RALGAPA2: variants seen among roughly 807,000 people sequenced by gnomAD.
RALGAPA2 encodes Ral GTPase activating protein catalytic subunit alpha 2, also known as ral GTPase-activating protein subunit alpha-2.
In RALGAPA2, 139 loss-of-function variants were observed where a neutral mutation model predicts 230.4. That is an observed-to-expected ratio of 0.60 (90% CI 0.53 to 0.69). The LOEUF is 0.69. RALGAPA2 is among the 30% of genes least tolerant of loss of function. RALGAPA2 has a pLI of 0.00. For missense variants in RALGAPA2, 2,163 were observed against 2,276.0 expected, an observed-to-expected ratio of 0.95 and a Z score of 1.01; for synonymous variants, 847 against 837.8, an observed-to-expected ratio of 1.01 and a Z score of -0.19.
chr20:20,545,243 T>C (rs558730817), intron 24 of RALGAPA2, among the ~76,000 whole-genome samples: 63 of 152,176 alleles, frequency 4.1e-4, no homozygotes, highest in African/African-American at 1.5e-3. Flanking sequence ...TTTTTCTTTT[T>C]AAGAGATGGG....
chr20:20,679,602 C>A (rs2068452233), intron 2 of RALGAPA2, among the ~76,000 whole-genome samples: 1 of 151,748 alleles, frequency 6.6e-6, no homozygotes, highest in Admixed American at 6.6e-5. Context: ...CTTTCACACA[C>A]CTTTGCTGCA....
chr20:20,684,156 C>T (rs924480991), intron 1 of RALGAPA2, among the ~76,000 whole-genome samples: 2 of 152,154 alleles, frequency 1.3e-5, no homozygotes, highest in African/African-American at 4.8e-5. Flanking sequence ...ACATGACTTC[C>T]TCAAAGAAAC....
intron 3 of RALGAPA2, among the ~76,000 whole-genome samples, chr20:20,673,659 C>T (rs142124574): frequency 9.9e-4 from 150 of 151,930 alleles, no homozygotes; most frequent in African/African-American, 3.4e-3. Context: ...AAAATCTTCA[C>T]ATAAGTAAAA....
intron 3 of RALGAPA2, among the ~76,000 whole-genome samples, chr20:20,671,708 G>A (rs1265739272): frequency 2.6e-5 from 4 of 152,156 alleles, no homozygotes; most frequent in Non-Finnish European, 4.4e-5. Context: ...CTAATCCTCT[G>A]TAAATGGTAA....
At chr20:20,490,769 C>T (rs2062029516) in intron 36 of RALGAPA2, among the ~76,000 whole-genome samples, 1 of 152,034 alleles carries the variant, frequency 6.6e-6, no homozygotes, top group South Asian at 2.1e-4. Flanking sequence ...ACTTCTGGCA[C>T]AACAGCCTTT....
intron 13 of RALGAPA2, among the ~76,000 whole-genome samples, chr20:20,612,815 C>T (rs1247145553): frequency 1.3e-5 from 2 of 152,144 alleles, no homozygotes; most frequent in African/African-American, 2.4e-5. Context: ...AGGCCCCTGT[C>T]GCCAGGGCAG....
rs1047442356 is a variant in RALGAPA2, at chr20:20,524,058, G to A, written c.3900+348C>T. Among the ~76,000 whole-genome samples, 56 of 152,088 alleles carry A rather than the reference G, an allele frequency of 3.7e-4. 1 individual carries two copies. Among genetic ancestry groups the A allele is most frequent in the Admixed American group, 3.4e-3 (52 of 15,274 alleles). On this transcript the variant is annotated intron_variant, in intron 30 of 39. Coordinates refer to ENST00000202677, the MANE Select transcript of RALGAPA2 (RefSeq NM_020343.4). ...TGCAAACTCTGCCTCCCAGGTTCAC[G>A]CCATTCTCCTGCCTCAGCCTCCGGG... is the stretch of plus-strand genomic sequence containing the variant.
chr20:20,710,693 TGAAAA>T (rs2069820888), intron 1 of RALGAPA2, among the ~76,000 whole-genome samples: 1 of 152,196 alleles, frequency 6.6e-6, no homozygotes, highest in Non-Finnish European at 1.5e-5. Flanking sequence ...TTTACAAACT[TGAAAA>T]GAATCAACTT....
intron 3 of RALGAPA2, among the ~76,000 whole-genome samples, chr20:20,658,626 G>A (rs1034767491): frequency 6.6e-6 from 1 of 152,180 alleles, no homozygotes; most frequent in Non-Finnish European, 1.5e-5. Context: ...ATCCATTATA[G>A]TACACTCGAA....
rs572531508 is a variant in RALGAPA2 at position 20,520,897 on chromosome 20, A to T, written c.4084+20T>A. 3 of 1,535,656 alleles carry T rather than the reference A, an allele frequency of 2.0e-6. No individual in the cohort carries two copies. The African/African-American group carries it at 4.1e-5, about 21-fold the overall frequency. ...TTCCTTTTCCTTCCCACAAGATTTC[A>T]TACCTGAAAGAATACTCACCCTCTT... On this transcript the variant is annotated intron_variant, in intron 31 of 39. Coordinates refer to ENST00000202677, the MANE Select transcript of RALGAPA2 (RefSeq NM_020343.4).
chr20:20,592,600 A>T (rs1186937274), intron 16 of RALGAPA2, among the ~76,000 whole-genome samples: 2 of 152,224 alleles, frequency 1.3e-5, no homozygotes, highest in African/African-American at 4.8e-5. Context: ...CACAAATTTT[A>T]ATTTGCTCAT....
chr20:20,458,701 TACACACAC>T (rs374936288), intron 37 of RALGAPA2, among the ~76,000 whole-genome samples: 1 of 133,932 alleles, frequency 7.5e-6, no homozygotes, highest in African/African-American at 2.8e-5. Context: ...TATATATATA[TACACACAC>T]ACACCTATAT....
intron 15 of RALGAPA2, 95 bp from the exon 16 acceptor site, chr20:20,601,941 T>C (rs1414137925): frequency 1.8e-6 from 2 of 1,114,402 alleles, no homozygotes; most frequent in African/African-American, 1.6e-5. Flanking sequence ...TACAACTATA[T>C]ATAATCAGCA....
At chr20:20,505,101 C>T in intron 34 of RALGAPA2, 1 of 985,458 alleles carries the variant, frequency 1.0e-6, no homozygotes, top group Non-Finnish European at 1.2e-6. Flanking sequence ...AAAGCCATTG[C>T]TTCTCTGCCC....
intron 1 of RALGAPA2, among the ~76,000 whole-genome samples, chr20:20,689,595 T>A (rs2068828697): frequency 6.6e-6 from 1 of 152,162 alleles, no homozygotes; most frequent in Admixed American, 6.5e-5. Context: ...TGAGCCGAGA[T>A]CGCGCCACTG....
chr20:20,581,045 G>T (rs1240161193), intron 20 of RALGAPA2, among the ~76,000 whole-genome samples: 1 of 152,112 alleles, frequency 6.6e-6, no homozygotes, highest in Non-Finnish European at 1.5e-5. Flanking sequence ...ATTACAGTTT[G>T]TCCTTTTCAC....
intron 15 of RALGAPA2, among the ~76,000 whole-genome samples, chr20:20,604,918 T>C (rs1221265639): frequency 1.3e-5 from 2 of 152,318 alleles, no homozygotes; most frequent in East Asian, 1.9e-4. Flanking sequence ...GTAATAGCCA[T>C]TATTATTACT....
chr20:20,656,230 A>G (rs1001042636), intron 3 of RALGAPA2, among the ~76,000 whole-genome samples: 2 of 152,270 alleles, frequency 1.3e-5, no homozygotes, highest in African/African-American at 4.8e-5. Context: ...CCAGAGGCTA[A>G]TGTGCTCGAA....
At chr20:20,399,543 G>A (rs898106781) in intron 38 of RALGAPA2, among the ~76,000 whole-genome samples, 4 of 152,112 alleles carry the variant, frequency 2.6e-5, no homozygotes, top group Admixed American at 6.5e-5. Flanking sequence ...GCCAACTGGC[G>A]GCTCAGACAC....
Sources: allele counts gnomAD v4.1 joint callset (sites outside exome capture counted in the v4.1 genomes callset), GRCh38; gene constraint gnomAD v4.1.1; transcripts MANE v1.5; gene names NCBI Gene and HGNC (gene_info 2026-07-23, HGNC 2026-07-21).